LRRC4C: variants seen among roughly 807,000 people sequenced by gnomAD.
LRRC4C encodes the protein leucine rich repeat containing 4C, also known as leucine-rich repeat-containing protein 4C.
In LRRC4C, 5 loss-of-function variants were observed where a neutral mutation model predicts 33.6. The ratio of observed to expected loss-of-function variants is 0.15; its 90% CI spans 0.08 to 0.31. The LOEUF (loss-of-function observed/expected upper bound fraction) is 0.31, where lower values mean the gene tolerates loss of function less well. Ranked by LOEUF, LRRC4C falls within the 10% of genes least tolerant of loss-of-function variation. The pLI is 1.00. For missense variants in LRRC4C, 560 were observed against 796.7 expected, an observed-to-expected ratio of 0.70 and a Z score of 3.58; for synonymous variants, 329 against 302.0, an observed-to-expected ratio of 1.09 and a Z score of -0.93.
intron 1 of LRRC4C, among the ~76,000 whole-genome samples, chr11:40,973,996 C>A (rs1851908412): frequency 1.3e-5 from 2 of 151,830 alleles, no homozygotes; most frequent in Non-Finnish European, 2.9e-5. Flanking sequence ...TGCAAACCAG[C>A]CACTGTGACA....
At chr11:41,034,464 T>TAGACACA (rs1856920783) in intron 1 of LRRC4C, among the ~76,000 whole-genome samples, 1 of 146,310 alleles carries the variant, frequency 6.8e-6, no homozygotes, top group African/African-American at 2.5e-5. Flanking sequence ...ACACCATATA[T>TAGACACA]ATATATGTGT....
intron 2 of LRRC4C, among the ~76,000 whole-genome samples, chr11:40,796,250 C>T (rs1049087023): frequency 5.9e-5 from 9 of 152,258 alleles, no homozygotes; most frequent in South Asian, 2.1e-4. Context: ...GAACAAATGT[C>T]TCATCTCCGA....
intron 3 of LRRC4C, among the ~76,000 whole-genome samples, chr11:40,344,183 G>A (rs1947013534): frequency 6.6e-6 from 1 of 151,862 alleles, no homozygotes; most frequent in Non-Finnish European, 1.5e-5. Flanking sequence ...CCAAAACCTG[G>A]CAGAGATACA....
chr11:40,946,462 T>C (rs1051888793), intron 1 of LRRC4C, among the ~76,000 whole-genome samples: 1 of 152,176 alleles, frequency 6.6e-6, no homozygotes, highest in Non-Finnish European at 1.5e-5. Context: ...GTAATGGGAT[T>C]GCTGGGTCAA....
chr11:40,987,333 G>C (rs889954722), intron 1 of LRRC4C, among the ~76,000 whole-genome samples: 1 of 152,076 alleles, frequency 6.6e-6, no homozygotes, highest in African/African-American at 2.4e-5. Context: ...CTGTATTCCT[G>C]TTTTGTAGAT....
chr11:41,166,042 A>G (rs184760866), intron 1 of LRRC4C, among the ~76,000 whole-genome samples: 4 of 152,122 alleles, frequency 2.6e-5, no homozygotes, highest in East Asian at 1.9e-4. Context: ...AAAAAAAAAA[A>G]AAGTCCCCAA....
chr11:41,077,483 T>G, intron 1 of LRRC4C, among the ~76,000 whole-genome samples: 1 of 152,324 alleles, frequency 6.6e-6, no homozygotes, highest in East Asian at 1.9e-4. Flanking sequence ...TTGGGGCTTG[T>G]ACCCCCTGGA....
intron 1 of LRRC4C, among the ~76,000 whole-genome samples, chr11:41,304,589 C>T (rs1950413796): frequency 9.4e-6 from 1 of 106,128 alleles, no homozygotes; most frequent in African/African-American, 3.7e-5. Flanking sequence ...GTCAGCCCCC[C>T]GCCCGGCCAG....
At chr11:40,170,663 C>G (rs1859971295) in intron 5 of LRRC4C, among the ~76,000 whole-genome samples, 1 of 152,142 alleles carries the variant, frequency 6.6e-6, no homozygotes, top group Non-Finnish European at 1.5e-5. Context: ...ATTGTAAAAT[C>G]TTTTTGTAGC....
At chr11:41,407,871 C>T (rs995455577) in intron 1 of LRRC4C, among the ~76,000 whole-genome samples, 1 of 152,158 alleles carries the variant, frequency 6.6e-6, no homozygotes, top group African/African-American at 2.4e-5. Flanking sequence ...TCAAGTGAAA[C>T]TTTTAAGCAT....
chr11:40,599,235 G>T (rs543677771), intron 3 of LRRC4C, among the ~76,000 whole-genome samples: 1 of 151,934 alleles, frequency 6.6e-6, no homozygotes, highest in African/African-American at 2.4e-5. Flanking sequence ...AATCACTTGA[G>T]CCTAAGAGTT....
chr11:40,767,211 A>G (rs1266792794), intron 2 of LRRC4C, among the ~76,000 whole-genome samples: 4 of 152,124 alleles, frequency 2.6e-5, no homozygotes, highest in Non-Finnish European at 4.4e-5. Context: ...AAGATTAAAA[A>G]CTATAAAAAA....
intron 1 of LRRC4C, among the ~76,000 whole-genome samples, chr11:40,961,906 T>C (rs936457044): frequency 5.3e-5 from 8 of 151,642 alleles, no homozygotes; most frequent in African/African-American, 1.9e-4. Flanking sequence ...TTATAGCCCA[T>C]GGGCCAAATT....
intron 4 of LRRC4C, among the ~76,000 whole-genome samples, chr11:40,247,249 T>C (rs1227050990): frequency 6.6e-6 from 1 of 152,158 alleles, no homozygotes. Flanking sequence ...AATTGAATGG[T>C]TCTTAAACAA....
chr11:40,738,211 A>G (rs1346456568), intron 2 of LRRC4C, among the ~76,000 whole-genome samples: 3 of 152,296 alleles, frequency 2.0e-5, no homozygotes, highest in East Asian at 1.9e-4. Context: ...ACCTTTTGCA[A>G]AAATTAACTC....
intron 1 of LRRC4C, among the ~76,000 whole-genome samples, chr11:41,233,239 T>A (rs1947878124): frequency 6.6e-6 from 1 of 151,932 alleles, no homozygotes; most frequent in Non-Finnish European, 1.5e-5. Context: ...TTAAGAAAGT[T>A]CAAGTGAAAA....
intron 6 of LRRC4C, among the ~76,000 whole-genome samples, chr11:40,118,526 C>G (rs766852774): frequency 3.9e-5 from 6 of 152,110 alleles, no homozygotes; most frequent in African/African-American, 7.2e-5. Context: ...GCAACTTAAT[C>G]TATGCCGGAA....
intron 1 of LRRC4C, among the ~76,000 whole-genome samples, chr11:40,995,746 T>C (rs1853922968): frequency 6.6e-6 from 1 of 152,154 alleles, no homozygotes; most frequent in Non-Finnish European, 1.5e-5. Flanking sequence ...ATATTACAAC[T>C]CAGCTTTCAA....
At chr11:40,758,991 T>C (rs562381356) in intron 2 of LRRC4C, among the ~76,000 whole-genome samples, 1 of 151,136 alleles carries the variant, frequency 6.6e-6, no homozygotes, top group Non-Finnish European at 1.5e-5. Flanking sequence ...CCCTCTTAAT[T>C]GGACCTTACC....
Sources: gnomAD v4.1 joint callset for allele counts (sites outside exome capture counted in the v4.1 genomes callset) on GRCh38, gnomAD v4.1.1 for gene constraint, MANE v1.5 for transcripts, NCBI Gene and HGNC (gene_info 2026-07-23, HGNC 2026-07-21) for gene names.